BLZF1: variants seen among roughly 807,000 people sequenced by gnomAD.
The protein encoded by BLZF1 is golgin-45.
BLZF1 carries 39 observed loss-of-function variants against 43.8 expected under a neutral mutation model. The ratio of observed to expected loss-of-function variants is 0.89; its 90% CI spans 0.69 to 1.16. BLZF1 has a LOEUF of 1.16. Ranked by LOEUF, BLZF1 falls within the 50% of genes most tolerant of loss-of-function variation. BLZF1 has a pLI of 0.00. For missense variants in BLZF1, 449 were observed against 469.8 expected, an observed-to-expected ratio of 0.96 and a Z score of 0.41; for synonymous variants, 136 against 159.4, an observed-to-expected ratio of 0.85 and a Z score of 1.11.
chr1:169,378,865 G>T (rs919165538), intron 4 of BLZF1, among the ~76,000 whole-genome samples: 3 of 151,710 alleles, frequency 2.0e-5, no homozygotes, highest in African/African-American at 7.3e-5. Flanking sequence ...CAAATATTTG[G>T]ACTCCCCAAG....
intron 6 of BLZF1, 24 bp from the exon 7 acceptor site, chr1:169,386,973 G>A (rs1264467245): frequency 1.3e-6 from 2 of 1,545,360 alleles, no homozygotes; most frequent in East Asian, 2.3e-5. Flanking sequence ...GCATACTTCT[G>A]ACATTATATC....
chr1:169,379,521 A>G (rs1043857453), intron 4 of BLZF1, among the ~76,000 whole-genome samples: 1 of 151,950 alleles, frequency 6.6e-6, no homozygotes, highest in African/African-American at 2.4e-5. Flanking sequence ...AATTTTTGCA[A>G]TATGCAACTT....
intron 2 of BLZF1, among the ~76,000 whole-genome samples, chr1:169,370,518 C>T (rs2102004085): frequency 6.6e-6 from 1 of 152,228 alleles, no homozygotes; most frequent in East Asian, 1.9e-4. Context: ...TTTCACTGTC[C>T]AATGCGGTAA....
downstream of BLZF1, among the ~76,000 whole-genome samples, chr1:169,389,838 C>G (rs1305853764): frequency 6.6e-6 from 1 of 151,952 alleles, no homozygotes; most frequent in East Asian, 1.9e-4. Flanking sequence ...TGAAATAAGT[C>G]AGACACAAAA....
At chr1:169,375,813 T>C (rs1019143621) in intron 2 of BLZF1, among the ~76,000 whole-genome samples, 31 of 151,654 alleles carry the variant, frequency 2.0e-4, no homozygotes, top group African/African-American at 4.3e-4. Context: ...TATATATATA[T>C]ACACACACAC....
chr1:169,372,067 A>T (rs1454498155), intron 2 of BLZF1, among the ~76,000 whole-genome samples: 1 of 152,168 alleles, frequency 6.6e-6, no homozygotes, highest in Non-Finnish European at 1.5e-5. Flanking sequence ...TTGACCAGGG[A>T]TCTCTATCCA....
intron 6 of BLZF1, among the ~76,000 whole-genome samples, chr1:169,386,668 G>A (rs1413300425): frequency 2.4e-5 from 3 of 126,884 alleles, no homozygotes; most frequent in African/African-American, 8.8e-5. Context: ...CACAGAGCGA[G>A]ACTCCATCTC....
At chr1:169,375,806 A>G (rs908269114) in intron 2 of BLZF1, among the ~76,000 whole-genome samples, 2 of 151,712 alleles carry the variant, frequency 1.3e-5, no homozygotes, top group Non-Finnish European at 2.9e-5. Flanking sequence ...ATACATATAT[A>G]TATATATACA....
chr1:169,388,404 T>C (rs1194835376), downstream of BLZF1: 6 of 152,302 alleles, frequency 3.9e-5, no homozygotes, highest in African/African-American at 1.4e-4. Context: ...TTCTTTTAGG[T>C]TTACTTACTA....
chr1:169,370,158 A>G (rs997738151), intron 2 of BLZF1, among the ~76,000 whole-genome samples: 1 of 152,156 alleles, frequency 6.6e-6, no homozygotes, highest in African/African-American at 2.4e-5. Flanking sequence ...CATTCTCCCT[A>G]TGTGCATGTT....
chr1:169,391,925 G>A (rs1330290932), downstream of BLZF1, among the ~76,000 whole-genome samples: 1 of 152,154 alleles, frequency 6.6e-6, no homozygotes, highest in Non-Finnish European at 1.5e-5. Flanking sequence ...TCCTAAATGG[G>A]CCCTGTTAAG....
chr1:169,394,331 C>G (rs72702199), intron 7 of BLZF1, among the ~76,000 whole-genome samples: 8,709 of 152,210 alleles, frequency 0.057, 279 homozygotes, highest in Middle Eastern at 0.11. Context: ...TTTATCATTT[C>G]AAGTTTTATT....
intron 6 of BLZF1, among the ~76,000 whole-genome samples, chr1:169,386,091 A>G (rs1654659174): frequency 6.6e-6 from 1 of 152,230 alleles, no homozygotes; most frequent in Non-Finnish European, 1.5e-5. Context: ...TTTCAGCTCA[A>G]GAGTTCCTGT....
At chr1:169,370,910 A>G (rs986148569) in intron 2 of BLZF1, among the ~76,000 whole-genome samples, 2 of 152,148 alleles carry the variant, frequency 1.3e-5, no homozygotes, top group Non-Finnish European at 2.9e-5. Context: ...CAATTTTAAC[A>G]TGTCCCATAG....
chr1:169,395,368 C>G (rs1352108920), intron 7 of BLZF1, among the ~76,000 whole-genome samples: 1 of 152,172 alleles, frequency 6.6e-6, no homozygotes, highest in African/African-American at 2.4e-5. Flanking sequence ...AAAGATTACA[C>G]CCAAGGCTCA....
intron 2 of BLZF1, among the ~76,000 whole-genome samples, chr1:169,375,390 A>T (rs1253802439): frequency 7.1e-5 from 5 of 70,378 alleles, no homozygotes; most frequent in East Asian, 3.3e-4. Flanking sequence ...TATATATATA[A>T]AACATATATA....
At chr1:169,390,486 G>T (rs1274619347), downstream of BLZF1, among the ~76,000 whole-genome samples, 1 of 152,134 alleles carries the variant, frequency 6.6e-6, no homozygotes, top group African/African-American at 2.4e-5. Flanking sequence ...AGAAATGAAA[G>T]TGGGGACATT....
At chr1:169,377,659 C>A (rs1280492425) in intron 3 of BLZF1, among the ~76,000 whole-genome samples, 1 of 151,916 alleles carries the variant, frequency 6.6e-6, no homozygotes, top group Non-Finnish European at 1.5e-5. Flanking sequence ...AATAGTGCCA[C>A]CTGAATCATT....
At chr1:169,391,672 G>C (rs1209393175), downstream of BLZF1, among the ~76,000 whole-genome samples, 1 of 152,086 alleles carries the variant, frequency 6.6e-6, no homozygotes, top group Non-Finnish European at 1.5e-5. Flanking sequence ...CCATGTGTAA[G>C]TGTGCATTCA....
Sources: gnomAD v4.1 joint callset for allele counts (sites outside exome capture counted in the v4.1 genomes callset) on GRCh38, gnomAD v4.1.1 for gene constraint, MANE v1.5 for transcripts, NCBI Gene and HGNC (gene_info 2026-07-23, HGNC 2026-07-21) for gene names.